Variants in SLC30A9 observed in about 807,000 individuals in gnomAD.
SLC30A9 encodes solute carrier family 30 member 9, also known as proton-coupled zinc antiporter SLC30A9, mitochondrial.
In SLC30A9, 58 loss-of-function variants were observed where a neutral mutation model predicts 87.5. The observed-to-expected ratio is 0.66, with a 90% CI of 0.54 to 0.82. SLC30A9 has a LOEUF of 0.82. SLC30A9 is among the 40% of genes least tolerant of loss of function. SLC30A9 has a pLI of 0.00. For synonymous variants in SLC30A9, 234 were observed against 233.0 expected (o/e 1.00, Z -0.04); for missense variants, 557 against 679.1 (o/e 0.82, Z 2.00).
chr4:42,053,329 T>C (rs1265361270), intron 9 of SLC30A9, among the ~76,000 whole-genome samples: 3 of 152,160 alleles, frequency 2.0e-5, no homozygotes, highest in African/African-American at 4.8e-5. Flanking sequence ...ACTTATCCTG[T>C]GACCCACCAA....
chr4:42,042,070 A>G (rs1006156474), intron 8 of SLC30A9, among the ~76,000 whole-genome samples: 2 of 152,214 alleles, frequency 1.3e-5, no homozygotes, highest in African/African-American at 2.4e-5. Flanking sequence ...CCCACAGACC[A>G]GGAGATTCCC....
intron 14 of SLC30A9, among the ~76,000 whole-genome samples, chr4:42,068,779 T>A (rs532889386): frequency 6.6e-6 from 1 of 152,136 alleles, no homozygotes; most frequent in South Asian, 2.1e-4. Flanking sequence ...GGTAGCTAAT[T>A]AAGTGTTTTG....
intron 10 of SLC30A9, among the ~76,000 whole-genome samples, chr4:42,062,391 G>C (rs1717892951): frequency 6.6e-6 from 1 of 151,968 alleles, no homozygotes; most frequent in African/African-American, 2.4e-5. Context: ...ACAAAATAAT[G>C]TACATATTGA....
At chr4:41,995,472 T>G (rs1714657296) in intron 1 of SLC30A9, among the ~76,000 whole-genome samples, 1 of 152,140 alleles carries the variant, frequency 6.6e-6, no homozygotes, top group Non-Finnish European at 1.5e-5. Context: ...GTTTCCACCT[T>G]TCTTCCACCA....
At chr4:42,035,356 G>A in intron 7 of SLC30A9, 23 bp downstream of exon 7, 2 of 1,597,066 alleles carry the variant, frequency 1.3e-6, no homozygotes, top group Non-Finnish European at 8.5e-7. Flanking sequence ...TTGTAATAAT[G>A]TGTGTGTTTG....
chr4:42,030,674 TCTTA>T (rs1413428884), intron 6 of SLC30A9, among the ~76,000 whole-genome samples: 1 of 151,128 alleles, frequency 6.6e-6, no homozygotes, highest in African/African-American at 2.4e-5. Context: ...TGGTGTTAGG[TCTTA>T]CTTTATTATT....
Position 42,026,233 on chromosome 4 carries a change from A to AT in SLC30A9, c.610+2851dup, listed in dbSNP as rs529752926. Among the ~76,000 whole-genome samples, 49 of 152,358 alleles carry AT rather than the reference A, an allele frequency of 3.2e-4. 1 individual carries two copies. In the South Asian group the frequency reaches 9.3e-3, roughly 29 times the overall value. On this transcript the variant is annotated intron_variant, in intron 6 of 17. Transcript: ENST00000264451. ...ATACTGGGGACAGATAGTCCTGGAAATTCTGGTGTACTATTCAGTTAATGG... is the reference window on the plus strand; with the variant it reads ...ATACTGGGGACAGATAGTCCTGGAAATTTCTGGTGTACTATTCAGTTAATGG...
At chr4:42,039,127 T>A (rs1716809937) in intron 8 of SLC30A9, 74 bp downstream of exon 8, 1 of 1,088,200 alleles carries the variant, frequency 9.2e-7, no homozygotes, top group African/African-American at 1.6e-5. Context: ...ATATGTAAAT[T>A]TATTACATGG....
intron 8 of SLC30A9, among the ~76,000 whole-genome samples, chr4:42,039,919 G>A (rs1716850756): frequency 6.6e-6 from 1 of 152,142 alleles, no homozygotes; most frequent in African/African-American, 2.4e-5. Context: ...GTATCAGTGT[G>A]ATAGGATATG....
chr4:42,009,643 A>G (rs761868135), intron 2 of SLC30A9, among the ~76,000 whole-genome samples: 19 of 152,252 alleles, frequency 1.2e-4, no homozygotes, highest in Admixed American at 1.0e-3. Context: ...ATGTAAAATA[A>G]GTATTCATAC....
At chr4:42,009,067 C>T (rs1477032217) in intron 2 of SLC30A9, among the ~76,000 whole-genome samples, 4 of 152,160 alleles carry the variant, frequency 2.6e-5, no homozygotes, top group Admixed American at 2.0e-4. Context: ...TGTTACAATG[C>T]TCTGCAGAGG....
At chr4:42,033,662 G>A (rs1716546049) in intron 6 of SLC30A9, among the ~76,000 whole-genome samples, 3 of 151,932 alleles carry the variant, frequency 2.0e-5, no homozygotes, top group South Asian at 4.2e-4. Context: ...TGCAACCTCC[G>A]CCTCCTGGGT....
At position 42,070,544 on chromosome 4, in the gene SLC30A9, G is replaced by A. The variant is rs781121447; in HGVS notation, c.1271G>A (p.Ser424Asn). 2.5e-6 allele frequency: 4 copies of A among 1,612,830 alleles called. No individual in the cohort carries two copies. In the South Asian group the frequency reaches 4.4e-5, roughly 18 times the overall value. ...CATTTAGGCAATCCACTGTATGACAGCCTAGGTTCTTTGGGTGTGGGCACC... is the reference window on the plus strand; with the variant it reads ...CATTTAGGCAATCCACTGTATGACAACCTAGGTTCTTTGGGTGTGGGCACC... ...TSITGNPLYD[S>N]LGSLGVGTLL... Residue 424 changes from serine (S) to asparagine (N), a missense_variant, in exon 15 of 18, where the codon AGC becomes AAC. This residue lies in a region of SLC30A9 where 467 missense variants were observed against 529.8 expected (regional missense o/e 0.88). Coordinates refer to ENST00000264451, the MANE Select transcript of SLC30A9 (RefSeq NM_006345.4).
chr4:42,063,569 T>TGG (rs1717955470), intron 11 of SLC30A9, among the ~76,000 whole-genome samples: 1 of 152,188 alleles, frequency 6.6e-6, no homozygotes, highest in South Asian at 2.1e-4. Context: ...AAGCCTGCAC[T>TGG]GGGGGAATGG....
chr4:42,018,029 A>G (rs944518254), intron 2 of SLC30A9, 82 bp from the exon 3 acceptor site: 51 of 759,322 alleles, frequency 6.7e-5, no homozygotes, highest in Middle Eastern at 3.3e-4. Flanking sequence ...GCATTGCTAT[A>G]TTACATTGGC....
At chr4:42,033,378 C>T (rs1294425717) in intron 6 of SLC30A9, among the ~76,000 whole-genome samples, 2 of 151,714 alleles carry the variant, frequency 1.3e-5, no homozygotes, top group Non-Finnish European at 1.5e-5. Context: ...ATGGCTCATG[C>T]CTATAATCCC....
At chr4:42,016,927 G>A (rs1848180) in intron 2 of SLC30A9, among the ~76,000 whole-genome samples, 92,191 of 152,006 alleles carry the variant, frequency 0.61, 33,369 homozygotes, top group East Asian at 0.95. Flanking sequence ...TTGTGCCCTC[G>A]TGCAAGAGTT....
rs1002775505 is a variant in SLC30A9 at position 42,029,527 on chromosome 4, G to A, written c.611-5748G>A. On this transcript the variant is annotated intron_variant, in intron 6 of 17. Coordinates refer to ENST00000264451, the MANE Select transcript of SLC30A9 (RefSeq NM_006345.4). ...GCACTGTGAGGCATATGTGCTGAAC[G>A]TAGTTAGGTTCCTGGAAAAGTACAA... is the stretch of plus-strand genomic sequence containing the variant. 37 of 675,488 alleles carry A rather than the reference G, an allele frequency of 5.5e-5. No homozygotes were observed. The East Asian group carries it at 7.6e-4, about 14-fold the overall frequency. The allele number at this position is 675,488 out of a possible 1,614,324, so 41.8% of individuals were successfully genotyped here.
chr4:42,049,332 T>C, intron 8 of SLC30A9, 45 bp from the exon 9 acceptor site: 2 of 1,274,772 alleles, frequency 1.6e-6, no homozygotes, highest in Non-Finnish European at 2.3e-6. Flanking sequence ...TTGGCTTAAA[T>C]TTTTGTCCAA....
Sources: allele counts gnomAD v4.1 joint callset (sites outside exome capture counted in the v4.1 genomes callset), GRCh38; gene constraint gnomAD v4.1.1; regional missense constraint gnomAD v4.1.1; transcripts MANE v1.5; gene names NCBI Gene and HGNC (gene_info 2026-07-23, HGNC 2026-07-21).